IGSF10: variants seen among roughly 807,000 people sequenced by gnomAD.
The protein encoded by IGSF10 is calvaria mechanical force protein 608.
In IGSF10, 126 loss-of-function variants were observed where a neutral mutation model predicts 128.2. That is an observed-to-expected ratio of 0.98 (90% CI 0.85 to 1.14). The LOEUF (loss-of-function observed/expected upper bound fraction) is 1.14, where lower values mean the gene tolerates loss of function less well. Among genes scored for constraint, IGSF10 ranks in the 50% most tolerant of loss-of-function variants. The pLI, the probability that IGSF10 is intolerant of heterozygous loss-of-function variation, is 0.00. For synonymous variants in IGSF10, 1,185 were observed against 1,146.2 expected, an observed-to-expected ratio of 1.03 and a Z score of -0.68; for missense variants, 3,295 against 3,149.8, an observed-to-expected ratio of 1.05 and a Z score of -1.10.
intron 4 of IGSF10, 118 bp from the exon 5 acceptor site, chr3:151,453,892 T>C: frequency 1.7e-6 from 1 of 591,020 alleles, no homozygotes; most frequent in Non-Finnish European, 2.9e-6. Context: ...ATATACCTTC[T>C]TAGGATCCCA....
chr3:151,450,085 C>T (rs1721441189), intron 5 of IGSF10, among the ~76,000 whole-genome samples: 1 of 152,164 alleles, frequency 6.6e-6, no homozygotes, highest in Admixed American at 6.6e-5. Context: ...CTGGCGAAGT[C>T]AGAGGTTGCA....
At chr3:151,583,223 C>G in the IGSF10 span, among the ~76,000 whole-genome samples, 8 of 150,788 alleles carry the variant, frequency 5.3e-5, no homozygotes, top group South Asian at 1.7e-3. Flanking sequence ...ATTTTTTCTT[C>G]TTACTCTTTC....
chr3:151,577,374 A>T, the IGSF10 span, among the ~76,000 whole-genome samples: 1 of 152,156 alleles, frequency 6.6e-6, no homozygotes, highest in African/African-American at 2.4e-5. Flanking sequence ...CCAGTAGTCT[A>T]CTAAGCTTAC....
At chr3:151,461,088 G>T (rs1722037413), upstream of IGSF10, 1 of 985,302 alleles carries the variant, frequency 1.0e-6, no homozygotes, top group East Asian at 1.1e-4. Context: ...CGGGGGATGA[G>T]CCCGACTTCT....
chr3:151,439,101 T>A (rs990882660), intron 7 of IGSF10, among the ~76,000 whole-genome samples: 157 of 152,180 alleles, frequency 1.0e-3, no homozygotes, highest in Non-Finnish European at 1.4e-3. Context: ...AGTAATTTTT[T>A]AAAAAAAATC....
At chr3:151,454,487 A>T (rs1457210699) in intron 4 of IGSF10, among the ~76,000 whole-genome samples, 2 of 152,160 alleles carry the variant, frequency 1.3e-5, no homozygotes, top group Non-Finnish European at 2.9e-5. Context: ...TGCAGGTGAG[A>T]CATCTGCTAT....
chr3:151,618,203 C>T, the IGSF10 span, among the ~76,000 whole-genome samples: 9 of 152,182 alleles, frequency 5.9e-5, no homozygotes, highest in East Asian at 3.9e-4. Flanking sequence ...AAGATGTTGG[C>T]CATCAGCAAA....
At chr3:151,583,000 G>A in the IGSF10 span, among the ~76,000 whole-genome samples, 3 of 151,876 alleles carry the variant, frequency 2.0e-5, no homozygotes, top group East Asian at 3.9e-4. Flanking sequence ...TTTCTTACCC[G>A]TGGTCTTGCA....
At chr3:151,441,525 CATT>C (rs1327137154) in intron 7 of IGSF10, among the ~76,000 whole-genome samples, 2 of 152,116 alleles carry the variant, frequency 1.3e-5, no homozygotes, top group Non-Finnish European at 2.9e-5. Context: ...CAACTCGTGT[CATT>C]AGAAGAAAAT....
At position 151,443,284 on chromosome 3, in the gene IGSF10, T is replaced by G. The variant is rs778091324; in HGVS notation, c.5663A>C (p.Gln1888Pro). 17 of 1,613,284 alleles carry G rather than the reference T, an allele frequency of 1.1e-5. No individual in the cohort carries two copies. In the South Asian group the frequency reaches 1.6e-4, roughly 16 times the overall value. Residue 1888 changes from glutamine (Q) to proline (P), a missense_variant, in exon 7 of 8, where the codon CAG becomes CCG. Transcript: ENST00000282466. ...TAAGAACAACTTGGAATTGGTAAAC[T>G]GTAATGGTTTCACTTCAGTGCCATC... is the stretch of plus-strand genomic sequence containing the variant. ...LSDGTEVKPL[Q>P]FTNSKLFLFS...
At chr3:151,435,856 A>G (rs1720111167), downstream of IGSF10, 1 of 152,080 alleles carries the variant, frequency 6.6e-6, no homozygotes, top group Non-Finnish European at 1.5e-5. Flanking sequence ...CCTCCCAAGC[A>G]TTTTCCCATC....
the IGSF10 span, among the ~76,000 whole-genome samples, chr3:151,582,167 T>C: frequency 3.9e-5 from 6 of 151,958 alleles, no homozygotes; most frequent in Non-Finnish European, 7.4e-5. Flanking sequence ...AAATAATAGA[T>C]TGTCTTTAAA....
At chr3:151,547,601 T>C in the IGSF10 span, among the ~76,000 whole-genome samples, 5 of 152,152 alleles carry the variant, frequency 3.3e-5, no homozygotes, top group East Asian at 1.9e-4. Flanking sequence ...ATATTTGTCA[T>C]TGGACTCTGG....
the IGSF10 span, among the ~76,000 whole-genome samples, chr3:151,521,461 T>C: frequency 6.6e-6 from 1 of 151,904 alleles, no homozygotes; most frequent in African/African-American, 2.4e-5. Flanking sequence ...TAATTGGACA[T>C]AAAACAATCC....
the IGSF10 span, among the ~76,000 whole-genome samples, chr3:151,556,539 C>T: frequency 6.6e-6 from 1 of 151,598 alleles, no homozygotes; most frequent in African/African-American, 2.4e-5. Context: ...AAACAGTAGC[C>T]AAATTTGTTA....
chr3:151,609,339 A>T, the IGSF10 span, among the ~76,000 whole-genome samples: 1 of 152,184 alleles, frequency 6.6e-6, no homozygotes, highest in Non-Finnish European at 1.5e-5. Context: ...TTTAGTTTAT[A>T]AGGAATGAGA....
the IGSF10 span, among the ~76,000 whole-genome samples, chr3:151,595,617 C>G: frequency 6.7e-6 from 1 of 148,530 alleles, no homozygotes; most frequent in African/African-American, 2.5e-5. Flanking sequence ...AGAAGGAAAT[C>G]CTGTCATTCG....
At chr3:151,483,047 G>A in the IGSF10 span, among the ~76,000 whole-genome samples, 1 of 151,944 alleles carries the variant, frequency 6.6e-6, no homozygotes, top group Non-Finnish European at 1.5e-5. Flanking sequence ...AAATGCTTAA[G>A]GCAGTTCTTC....
Position 151,446,631 on chromosome 3 carries a change from G to C in IGSF10, c.3350C>G (p.Pro1117Arg). Residue 1117 changes from proline (P) to arginine (R), a missense_variant, in exon 6 of 8, where the codon CCC (proline) becomes CGC (arginine). Transcript: ENST00000282466. ...TGTGGGTGTTGTTTTCTCTACACTG[G>C]GTTTGTTCTCAAGTAGTAATAGTGG... ...QNPLLLLENKPSVEKTTPTIK... is the reference protein window; with the variant it reads ...QNPLLLLENKRSVEKTTPTIK... 2 of 1,613,970 alleles carry C rather than the reference G, an allele frequency of 1.2e-6. No homozygotes were observed. Among genetic ancestry groups the C allele is most frequent in the Non-Finnish European group, 1.7e-6 (2 of 1,179,986 alleles).
Sources: allele counts gnomAD v4.1 joint callset (sites outside exome capture counted in the v4.1 genomes callset), GRCh38; gene constraint gnomAD v4.1.1; transcripts MANE v1.5; gene names NCBI Gene and HGNC (gene_info 2026-07-23, HGNC 2026-07-21).